The following TANGO6 variants were observed in gnomAD, a reference collection of about 807,000 sequenced individuals.
TANGO6 encodes transport and golgi organization 6 homolog.
In TANGO6, 90 loss-of-function variants were observed where a neutral mutation model predicts 114.2. The ratio of observed to expected loss-of-function variants is 0.79; its 90% CI spans 0.66 to 0.94. The LOEUF (loss-of-function observed/expected upper bound fraction) is 0.94. TANGO6 is among the 40% of genes least tolerant of loss of function. The pLI, the probability that TANGO6 is intolerant of heterozygous loss-of-function variation, is 0.00. For missense variants in TANGO6, 1,274 were observed against 1,315.3 expected, an observed-to-expected ratio of 0.97 and a Z score of 0.49; for synonymous variants, 477 against 509.8, an observed-to-expected ratio of 0.94 and a Z score of 0.87.
At chr16:69,036,807 A>G (rs557528547) in intron 16 of TANGO6, among the ~76,000 whole-genome samples, 1 of 152,144 alleles carries the variant, frequency 6.6e-6, no homozygotes, top group South Asian at 2.1e-4. Context: ...TACAAAAACT[A>G]CACAAATTAG....
At chr16:68,944,049 T>C (rs886517087) in intron 14 of TANGO6, among the ~76,000 whole-genome samples, 1 of 152,204 alleles carries the variant, frequency 6.6e-6, no homozygotes, top group African/African-American at 2.4e-5. Flanking sequence ...TTTGGTTTTT[T>C]TAGCCTAAAG....
chr16:69,012,556 C>CAAAAAAAAAA (rs1175561720), intron 15 of TANGO6, among the ~76,000 whole-genome samples: 388 of 36,456 alleles, frequency 0.011, 11 homozygotes, highest in African/African-American at 0.034. Context: ...AACTCTGTCT[C>CAAAAAAAAAA]AAAAAAAAAA....
intron 14 of TANGO6, among the ~76,000 whole-genome samples, chr16:68,941,524 A>C (rs1432123848): frequency 6.6e-6 from 1 of 152,060 alleles, no homozygotes; most frequent in Non-Finnish European, 1.5e-5. Flanking sequence ...TGGGTGGATC[A>C]CTTGAGGACA....
chr16:69,045,616 G>A (rs542607302), intron 17 of TANGO6, among the ~76,000 whole-genome samples: 9 of 149,412 alleles, frequency 6.0e-5, no homozygotes, highest in East Asian at 2.0e-4. Context: ...GGTGGTAGGC[G>A]CCTGTAATCC....
chr16:69,079,069 T>C (rs1960428090), intron 17 of TANGO6, among the ~76,000 whole-genome samples: 1 of 151,322 alleles, frequency 6.6e-6, no homozygotes, highest in Admixed American at 6.6e-5. Flanking sequence ...CTCATGCCTG[T>C]AATCCCAGCA....
At chr16:68,851,505 G>C (rs1323008105) in intron 1 of TANGO6, among the ~76,000 whole-genome samples, 1 of 152,158 alleles carries the variant, frequency 6.6e-6, no homozygotes, top group Non-Finnish European at 1.5e-5. Context: ...GTACATGATG[G>C]TACGTATAAA....
At chr16:68,981,585 C>T (rs1244969701) in intron 15 of TANGO6, among the ~76,000 whole-genome samples, 1 of 152,180 alleles carries the variant, frequency 6.6e-6, no homozygotes, top group African/African-American at 2.4e-5. Flanking sequence ...ATTACTATTA[C>T]TGTGCCCAAG....
intron 1 of TANGO6, among the ~76,000 whole-genome samples, chr16:68,845,058 C>T (rs1252101294): frequency 6.6e-6 from 1 of 151,124 alleles, no homozygotes; most frequent in Non-Finnish European, 1.5e-5. Flanking sequence ...ACCTCTGCCT[C>T]CCAGGTTCAA....
chr16:68,977,313 T>G (rs747844768), intron 15 of TANGO6, among the ~76,000 whole-genome samples: 5 of 120,182 alleles, frequency 4.2e-5, no homozygotes, highest in Non-Finnish European at 5.4e-5. Context: ...TTTGTTTTTG[T>G]TTTTTTTTTT....
chr16:68,997,434 C>G (rs1330304958), intron 15 of TANGO6, among the ~76,000 whole-genome samples: 2 of 152,146 alleles, frequency 1.3e-5, no homozygotes, highest in East Asian at 3.8e-4. Context: ...GATTCCTCTC[C>G]TTTTTAGACC....
intron 15 of TANGO6, among the ~76,000 whole-genome samples, chr16:68,980,100 C>A (rs752835143): frequency 3.4e-4 from 51 of 152,122 alleles, no homozygotes; most frequent in Non-Finnish European, 5.7e-4. Flanking sequence ...CCCGCCTCGG[C>A]CTCCCAAAGT....
chr16:68,947,508 A>G (rs1212048236), intron 14 of TANGO6, among the ~76,000 whole-genome samples: 1 of 152,130 alleles, frequency 6.6e-6, no homozygotes, highest in Non-Finnish European at 1.5e-5. Context: ...TTAAAATTAA[A>G]TAATGCTTAA....
intron 14 of TANGO6, among the ~76,000 whole-genome samples, chr16:68,956,854 A>G (rs1963534571): frequency 2.0e-5 from 3 of 152,136 alleles, no homozygotes; most frequent in Admixed American, 2.0e-4. Context: ...CTCTGTCTCA[A>G]AAGAAAAAAA....
chr16:68,867,275 T>A (rs1962193708), intron 4 of TANGO6, 55 bp downstream of exon 4: 1 of 1,607,572 alleles, frequency 6.2e-7, no homozygotes, highest in Admixed American at 1.7e-5. Flanking sequence ...TGAGTCAGAG[T>A]CTGAGGTGAA....
chr16:68,890,920 G>A (rs991329820), intron 7 of TANGO6, among the ~76,000 whole-genome samples: 7 of 152,018 alleles, frequency 4.6e-5, no homozygotes, highest in Non-Finnish European at 2.9e-5. Flanking sequence ...AGCTATTCAG[G>A]AGGCTGAGGC....
chr16:68,853,924 C>T (rs1034255779), intron 1 of TANGO6, among the ~76,000 whole-genome samples: 4 of 152,056 alleles, frequency 2.6e-5, no homozygotes, highest in African/African-American at 9.7e-5. Context: ...ATTTGAATAA[C>T]TTCTTTTTTG....
At chr16:68,848,909 C>G (rs1364300145) in intron 1 of TANGO6, among the ~76,000 whole-genome samples, 4 of 151,850 alleles carry the variant, frequency 2.6e-5, no homozygotes, top group Non-Finnish European at 5.9e-5. Context: ...AGTCTTTGAT[C>G]GACTCCTTGC....
intron 6 of TANGO6, among the ~76,000 whole-genome samples, chr16:68,879,830 A>T (rs1414851744): frequency 6.6e-6 from 1 of 151,236 alleles, no homozygotes; most frequent in Admixed American, 6.6e-5. Context: ...GTTAGCCAGG[A>T]TGGTCTCAGT....
intron 14 of TANGO6, among the ~76,000 whole-genome samples, chr16:68,968,531 AT>A (rs1230740362): frequency 1.3e-5 from 2 of 151,006 alleles, no homozygotes; most frequent in African/African-American, 2.4e-5. Context: ...CACTCAGCTA[AT>A]TTTTTGTATT....
Sources: gnomAD v4.1 joint callset for allele counts (sites outside exome capture counted in the v4.1 genomes callset) on GRCh38, gnomAD v4.1.1 for gene constraint, MANE v1.5 for transcripts, NCBI Gene and HGNC (gene_info 2026-07-23, HGNC 2026-07-21) for gene names.